GRIA1: variants seen among roughly 807,000 people sequenced by gnomAD.
GRIA1 encodes glutamate receptor 1.
Under a neutral mutation model 99.2 loss-of-function variants are expected in GRIA1, and 31 were observed. The ratio of observed to expected loss-of-function variants is 0.31; its 90% CI spans 0.23 to 0.42. The LOEUF is 0.42. Among genes scored for constraint, GRIA1 ranks in the 10% least tolerant of loss-of-function variants. The pLI is 1.00. For missense variants in GRIA1, 782 were observed against 1,157.5 expected (o/e 0.68, Z 4.71); for synonymous variants, 438 against 432.4 (o/e 1.01, Z -0.16).
intron 2 of GRIA1, among the ~76,000 whole-genome samples, chr5:153,574,624 T>G (rs1351040073): frequency 6.6e-6 from 1 of 152,168 alleles, no homozygotes; most frequent in Non-Finnish European, 1.5e-5. Context: ...ATTATTATAC[T>G]GTTGTAATAG....
chr5:153,812,762 T>C lies in GRIA1; in HGVS notation c.*1537T>C, dbSNP rs1766906794. ...AGCTTTTGTTGGAAGTGAGAATCCC[T>C]GACATATAGCTTTCTTGGAGATCCC... is the stretch of plus-strand genomic sequence containing the variant. On this transcript the variant is annotated 3_prime_UTR_variant, in exon 16 of 16. Transcript: ENST00000285900. The C allele has an allele frequency of 6.6e-6, 1 of 152,232 alleles. No individual in the cohort carries two copies. Among genetic ancestry groups the C allele is most frequent in the Non-Finnish European group, 1.5e-5 (1 of 68,050 alleles). The allele number at this position is 152,232 out of a possible 1,614,324, so 9.4% of individuals were successfully genotyped here.
intron 2 of GRIA1, among the ~76,000 whole-genome samples, chr5:153,496,096 A>G (rs536250106): frequency 2.0e-5 from 3 of 152,390 alleles, no homozygotes; most frequent in African/African-American, 7.2e-5. Context: ...TGACTGGCAC[A>G]GCAAGAAAAT....
At chr5:153,661,598 T>C (rs1755373983) in intron 5 of GRIA1, among the ~76,000 whole-genome samples, 1 of 152,184 alleles carries the variant, frequency 6.6e-6, no homozygotes, top group African/African-American at 2.4e-5. Context: ...GTGTGACTTA[T>C]TCTCTGTTGA....
At chr5:153,512,187 A>G (rs1756156666) in intron 2 of GRIA1, among the ~76,000 whole-genome samples, 1 of 152,164 alleles carries the variant, frequency 6.6e-6, no homozygotes, top group African/African-American at 2.4e-5. Flanking sequence ...AGGCAGCAAA[A>G]TTAATTTTGC....
chr5:153,804,327 G>T (rs530655472), intron 15 of GRIA1, among the ~76,000 whole-genome samples: 29 of 152,174 alleles, frequency 1.9e-4, no homozygotes, highest in Admixed American at 1.4e-3. Context: ...AAGGAGCTTG[G>T]CTACACACAC....
chr5:153,703,803 G>T (rs1334358755), intron 10 of GRIA1, among the ~76,000 whole-genome samples: 1 of 152,144 alleles, frequency 6.6e-6, no homozygotes, highest in African/African-American at 2.4e-5. Context: ...ATCACATTAG[G>T]AAGCATCCAA....
intron 11 of GRIA1, among the ~76,000 whole-genome samples, chr5:153,708,741 A>G (rs935873581): frequency 1.3e-5 from 2 of 152,172 alleles, no homozygotes; most frequent in Admixed American, 6.5e-5. Context: ...TCTTCTAGAG[A>G]AGTCCATTAA....
chr5:153,659,196 T>A (rs1755180997), intron 5 of GRIA1, among the ~76,000 whole-genome samples: 1 of 152,174 alleles, frequency 6.6e-6, no homozygotes, highest in East Asian at 1.9e-4. Flanking sequence ...TCTGCACAAA[T>A]GGAAAATTCT....
chr5:153,632,922 T>G (rs999602025), intron 2 of GRIA1, among the ~76,000 whole-genome samples: 31 of 152,210 alleles, frequency 2.0e-4, no homozygotes, highest in African/African-American at 7.5e-4. Context: ...TGAAAAGCTT[T>G]CCACTGGAGT....
At chr5:153,766,959 G>A (rs1036740014) in intron 12 of GRIA1, among the ~76,000 whole-genome samples, 2 of 152,202 alleles carry the variant, frequency 1.3e-5, no homozygotes, top group Admixed American at 1.3e-4. Flanking sequence ...CTACATTGGT[G>A]ACAAATTGGT....
chr5:153,511,217 T>C (rs1212465452), intron 2 of GRIA1, among the ~76,000 whole-genome samples: 1 of 152,164 alleles, frequency 6.6e-6, no homozygotes, highest in African/African-American at 2.4e-5. Context: ...TGGCTGACAC[T>C]GAGCATAGTT....
intron 2 of GRIA1, among the ~76,000 whole-genome samples, chr5:153,630,154 A>C (rs1752834381): frequency 6.6e-6 from 1 of 152,226 alleles, no homozygotes; most frequent in African/African-American, 2.4e-5. Context: ...AGAGATTAAA[A>C]GAATTGATGA....
chr5:153,676,777 G>A (rs1396372871), intron 6 of GRIA1, among the ~76,000 whole-genome samples: 6 of 152,116 alleles, frequency 3.9e-5, no homozygotes, highest in Non-Finnish European at 8.8e-5. Flanking sequence ...GGTCAGCATT[G>A]ACTAGCATGG....
chr5:153,493,665 G>T (rs1754135233), intron 1 of GRIA1, among the ~76,000 whole-genome samples: 1 of 152,322 alleles, frequency 6.6e-6, no homozygotes, highest in South Asian at 2.1e-4. Context: ...TGTTTTCTCT[G>T]ACTTTAGCTG....
chr5:153,642,941 C>G (rs976643607), intron 2 of GRIA1, among the ~76,000 whole-genome samples: 2 of 152,114 alleles, frequency 1.3e-5, no homozygotes, highest in African/African-American at 4.8e-5. Flanking sequence ...CCAAATGCAT[C>G]TATTCAGAAG....
intron 12 of GRIA1, among the ~76,000 whole-genome samples, chr5:153,768,521 T>G (rs142134320): frequency 6.6e-6 from 1 of 152,154 alleles, no homozygotes; most frequent in African/African-American, 2.4e-5. Flanking sequence ...ATATAGTTTA[T>G]CTAATTATAG....
At chr5:153,776,650 T>C (rs1764271775) in intron 13 of GRIA1, among the ~76,000 whole-genome samples, 1 of 152,180 alleles carries the variant, frequency 6.6e-6, no homozygotes, top group African/African-American at 2.4e-5. Context: ...GCATTCCCAT[T>C]GAGTATATTT....
chr5:153,760,238 AAAG>A (rs1323282072), intron 11 of GRIA1, among the ~76,000 whole-genome samples: 3 of 152,154 alleles, frequency 2.0e-5, no homozygotes, highest in Admixed American at 6.5e-5. Context: ...TCAAATTGAA[AAAG>A]AAGAAGTCAG....
chr5:153,672,439 A>G (rs976151564), intron 5 of GRIA1, among the ~76,000 whole-genome samples: 1 of 152,104 alleles, frequency 6.6e-6, no homozygotes, highest in Non-Finnish European at 1.5e-5. Flanking sequence ...GTCAGGAAAC[A>G]CCTCTCTGAG....
Sources: gnomAD v4.1 joint callset for allele counts (sites outside exome capture counted in the v4.1 genomes callset) on GRCh38, gnomAD v4.1.1 for gene constraint, MANE v1.5 for transcripts, NCBI Gene and HGNC (gene_info 2026-07-23, HGNC 2026-07-21) for gene names.